DLG1: variants seen among roughly 807,000 people sequenced by gnomAD.
The protein encoded by DLG1 is discs large MAGUK scaffold protein 1, also known as disks large homolog 1.
In DLG1, 42 loss-of-function variants were observed where a neutral mutation model predicts 123.4. That is an observed-to-expected ratio of 0.34 (90% CI 0.27 to 0.44). The LOEUF (loss-of-function observed/expected upper bound fraction) is 0.44, where lower values mean the gene tolerates loss of function less well. Ranked by LOEUF, DLG1 falls within the 20% of genes least tolerant of loss-of-function variation. The probability of loss-of-function intolerance (pLI) is 1.00; values close to 1 mark genes in which losing one functional copy is unlikely to be tolerated. For missense variants in DLG1, 942 were observed against 1,082.6 expected (o/e 0.87, Z 1.82); for synonymous variants, 317 against 356.2 (o/e 0.89, Z 1.24).
Position 197,273,500 on chromosome 3 carries a change from A to G in DLG1, c.318+9179T>C, listed in dbSNP as rs1163010097. ...TGATCTGCCCGCCTCTGCCTCCCAA[A>G]GTGCTGGGATTACAGGCGTGAGCCA... On this transcript the variant is annotated intron_variant, in intron 4 of 24. Coordinates refer to ENST00000667157, the MANE Select transcript of DLG1 (RefSeq NM_001366207.1). Among the ~76,000 whole-genome samples the G allele has an allele frequency of 1.7e-4, 26 of 152,134 alleles. No individual in the cohort carries two copies. The East Asian group carries it at 4.8e-3, about 28-fold the overall frequency.
At chr3:197,115,581 G>A (rs1772796779) in intron 13 of DLG1, among the ~76,000 whole-genome samples, 1 of 152,116 alleles carries the variant, frequency 6.6e-6, no homozygotes, top group African/African-American at 2.4e-5. Context: ...ATCATATTTG[G>A]ATAGCTTTCA....
intron 5 of DLG1, among the ~76,000 whole-genome samples, chr3:197,180,703 G>C (rs573410949): frequency 2.5e-4 from 38 of 152,202 alleles, no homozygotes; most frequent in Admixed American, 2.4e-3. Context: ...CAGGGGAATC[G>C]GGGCAGTGTG....
intron 23 of DLG1, among the ~76,000 whole-genome samples, chr3:197,056,484 G>A (rs2148781110): frequency 1.3e-5 from 2 of 152,182 alleles, no homozygotes; most frequent in Admixed American, 1.3e-4. Flanking sequence ...TCATAAATTA[G>A]TTGAAAAGTT....
rs904875524 is a variant in DLG1, at chr3:197,278,411, C to G, written c.318+4268G>C. On this transcript the variant is annotated intron_variant, in intron 4 of 24. Coordinates refer to ENST00000667157, the MANE Select transcript of DLG1 (RefSeq NM_001366207.1). Reference sequence around the variant, plus strand: ...CTGGAGCCCCCAAGTTTTGAGGATACAGTGAGCTATGATCGCACCACTGCA... The same window carrying G: ...CTGGAGCCCCCAAGTTTTGAGGATAGAGTGAGCTATGATCGCACCACTGCA... Among the ~76,000 whole-genome samples the G allele has an allele frequency of 3.4e-5, 5 of 148,456 alleles. No individual in the cohort carries two copies. In the Admixed American group the frequency reaches 3.4e-4, roughly 10 times the overall value.
chr3:197,092,324 A>G (rs913304774), intron 14 of DLG1, among the ~76,000 whole-genome samples: 1 of 152,180 alleles, frequency 6.6e-6, no homozygotes, highest in African/African-American at 2.4e-5. Context: ...TTCTCAAGAT[A>G]GTGGAGATAG....
intron 20 of DLG1, 27 bp downstream of exon 20, chr3:197,066,677 T>TA: frequency 1.3e-6 from 2 of 1,550,352 alleles, no homozygotes; most frequent in Non-Finnish European, 1.8e-6. Context: ...TCTAGAAGGT[T>TA]ATAAAACATC....
At chr3:197,068,050 T>C (rs2148908148) in intron 19 of DLG1, among the ~76,000 whole-genome samples, 2 of 152,374 alleles carry the variant, frequency 1.3e-5, no homozygotes, top group Middle Eastern at 3.4e-3. Context: ...GTTTATATTA[T>C]ATGTATGTAG....
intron 4 of DLG1, among the ~76,000 whole-genome samples, chr3:197,224,192 G>A (rs1333861236): frequency 6.6e-6 from 1 of 151,966 alleles, no homozygotes; most frequent in Admixed American, 6.6e-5. Context: ...AACCTCAAGT[G>A]GTGCTGTGCA....
intron 5 of DLG1, among the ~76,000 whole-genome samples, chr3:197,154,464 A>T (rs1272774852): frequency 1.3e-5 from 2 of 152,128 alleles, no homozygotes; most frequent in African/African-American, 4.8e-5. Flanking sequence ...TCACTAGGTC[A>T]GGAGATCGAG....
intron 14 of DLG1, among the ~76,000 whole-genome samples, chr3:197,095,115 T>C (rs1399002502): frequency 1.3e-5 from 2 of 152,034 alleles, no homozygotes; most frequent in East Asian, 3.8e-4. Flanking sequence ...TGTTTCTTCT[T>C]ACTAATTTTT....
intron 18 of DLG1, among the ~76,000 whole-genome samples, chr3:197,073,440 A>G (rs1000249304): frequency 6.6e-6 from 1 of 152,166 alleles, no homozygotes; most frequent in East Asian, 1.9e-4. Context: ...TGTTAAAGGA[A>G]TCTTACCTAG....
chr3:197,281,537 T>C (rs757310991), intron 4 of DLG1, among the ~76,000 whole-genome samples: 2 of 152,204 alleles, frequency 1.3e-5, no homozygotes, highest in African/African-American at 2.4e-5. Flanking sequence ...CAGACTATTA[T>C]AAAAGCAAGT....
chr3:197,141,401 C>T (rs1457055520), intron 7 of DLG1, among the ~76,000 whole-genome samples: 2 of 152,270 alleles, frequency 1.3e-5, no homozygotes, highest in East Asian at 3.9e-4. Context: ...GGAGACATCA[C>T]AAACTACTAT....
chr3:197,090,948 G>C lies in DLG1; in HGVS notation c.1625C>G (p.Ser542Cys). The C allele has an allele frequency of 1.2e-6, 2 of 1,611,408 alleles. No homozygotes were observed. Among genetic ancestry groups the C allele is most frequent in the South Asian group, 2.2e-5 (2 of 90,786 alleles). The part of the protein sequence containing the change: ...MNSSISSGSG[S>C]LRTSQKRSLY... The stretch of plus-strand genomic sequence containing the variant: ...GGATCGCTTCTGGCTAGTTCGAAGA[G>C]AACCTGACCCTGAACTAATACTACT... Residue 542 changes from serine (S) to cysteine (C), a missense_variant, in exon 15 of 25, where the codon TCT becomes TGT. Physicochemically the swap from Ser to Cys is moderately radical, Grantham distance 112. Transcript: ENST00000667157.
chr3:197,136,067 C>T (rs1177675305), intron 10 of DLG1, among the ~76,000 whole-genome samples: 1 of 152,132 alleles, frequency 6.6e-6, no homozygotes, highest in East Asian at 1.9e-4. Context: ...CTACCTCAGC[C>T]TCCCAAAGTG....
intron 5 of DLG1, among the ~76,000 whole-genome samples, chr3:197,163,501 A>G (rs540491609): frequency 1.6e-4 from 25 of 151,944 alleles, no homozygotes; most frequent in Non-Finnish European, 3.1e-4. Flanking sequence ...ACAAAACGTG[A>G]TAATATACAC....
intron 20 of DLG1, 106 bp from the exon 21 acceptor site, chr3:197,065,915 T>C: frequency 1.5e-6 from 1 of 674,552 alleles, no homozygotes. Flanking sequence ...GACTAATTTT[T>C]TTCTTCCCTC....
intron 4 of DLG1, among the ~76,000 whole-genome samples, chr3:197,231,306 T>C (rs1177769062): frequency 6.6e-6 from 1 of 152,270 alleles, no homozygotes; most frequent in Admixed American, 6.5e-5. Flanking sequence ...TCAATTTGTC[T>C]GGCAAAGAAT....
intron 24 of DLG1, among the ~76,000 whole-genome samples, chr3:197,045,955 A>C (rs1446887045): frequency 6.6e-6 from 1 of 152,200 alleles, no homozygotes; most frequent in African/African-American, 2.4e-5. Flanking sequence ...GCATAGAAGA[A>C]AGACGTTGTA....
Sources: allele counts gnomAD v4.1 joint callset (sites outside exome capture counted in the v4.1 genomes callset), GRCh38; gene constraint gnomAD v4.1.1; transcripts MANE v1.5; gene names NCBI Gene and HGNC (gene_info 2026-07-23, HGNC 2026-07-21).